Variants in PARD3B observed in about 807,000 individuals in gnomAD.
The protein encoded by PARD3B is par-3 family cell polarity regulator beta.
PARD3B carries 103 observed loss-of-function variants against 130.2 expected under a neutral mutation model. That is an observed-to-expected ratio of 0.79 (90% confidence interval 0.67 to 0.93). PARD3B has a LOEUF of 0.93. PARD3B is among the 40% of genes least tolerant of loss of function. PARD3B has a pLI of 0.00. For synonymous variants in PARD3B, 583 were observed against 553.2 expected (o/e 1.05, Z -0.76); for missense variants, 1,609 against 1,499.2 (o/e 1.07, Z -1.21).
At chr2:205,327,740 A>G (rs1435068053) in intron 18 of PARD3B, among the ~76,000 whole-genome samples, 1 of 152,206 alleles carries the variant, frequency 6.6e-6, no homozygotes, top group Non-Finnish European at 1.5e-5. Flanking sequence ...TCCACCTCAT[A>G]GAATTGTGGT....
chr2:204,701,149 A>G (rs6751997), intron 2 of PARD3B, among the ~76,000 whole-genome samples: 8,385 of 152,118 alleles, frequency 0.055, 664 homozygotes, highest in African/African-American at 0.17. Flanking sequence ...GATTTTCAAT[A>G]TGTATTTGGC....
chr2:205,402,406 T>A (rs2046282714), intron 19 of PARD3B, among the ~76,000 whole-genome samples: 1 of 152,208 alleles, frequency 6.6e-6, no homozygotes, highest in Non-Finnish European at 1.5e-5. Context: ...ACATCATAGA[T>A]CTTTGCTGCT....
At chr2:204,605,348 G>T (rs1218680421) in intron 1 of PARD3B, among the ~76,000 whole-genome samples, 1 of 152,132 alleles carries the variant, frequency 6.6e-6, no homozygotes, top group Non-Finnish European at 1.5e-5. Flanking sequence ...CTGAATTATT[G>T]ATTCATAGTC....
At position 205,080,340 on chromosome 2, in the gene PARD3B, A is replaced by G. The variant is rs1322868050; in HGVS notation, c.505-24086A>G. 3.9e-5 allele frequency among the ~76,000 whole-genome samples: 6 copies of G among 152,184 alleles called. No individual in the cohort carries two copies. The East Asian group carries it at 1.2e-3, about 29-fold the overall frequency. On this transcript the variant is annotated intron_variant, in intron 4 of 22. Coordinates refer to ENST00000406610, the MANE Select transcript of PARD3B (RefSeq NM_001302769.2). ...TCTCCTGCTCTGCTTCCGGTTATGT[A>G]TAATTTTCACTTTAATGGTTATCTT... is the stretch of plus-strand genomic sequence containing the variant.
chr2:204,730,105 G>T (rs2039440592), intron 2 of PARD3B, among the ~76,000 whole-genome samples: 1 of 149,956 alleles, frequency 6.7e-6, no homozygotes, highest in Non-Finnish European at 1.5e-5. Flanking sequence ...ACAGAGTTTT[G>T]CTCTTGTCAC....
chr2:205,129,297 A>C (rs10932097), intron 10 of PARD3B, among the ~76,000 whole-genome samples: 34,508 of 152,232 alleles, frequency 0.23, 4,265 homozygotes, highest in East Asian at 0.4. Flanking sequence ...GCCTGCCTCG[A>C]ATGCCAAGAG....
chr2:204,940,911 T>TA (rs923920686), intron 2 of PARD3B, among the ~76,000 whole-genome samples: 10 of 115,962 alleles, frequency 8.6e-5, no homozygotes, highest in Middle Eastern at 4.0e-3. Flanking sequence ...GAATAAAGAT[T>TA]AAAAAAATAC....
At chr2:204,750,111 G>C (rs1311596703) in intron 2 of PARD3B, among the ~76,000 whole-genome samples, 1 of 152,142 alleles carries the variant, frequency 6.6e-6, no homozygotes, top group Non-Finnish European at 1.5e-5. Context: ...AAAAGTTTCT[G>C]ATGTCAGTGT....
chr2:204,677,849 A>C lies in PARD3B; in HGVS notation c.121-8332A>C, dbSNP rs187011894. On this transcript the variant is annotated intron_variant, in intron 1 of 22. Transcript: ENST00000406610. The surrounding 1 kb of genome is among the most constrained non-coding windows in gnomAD (Gnocchi z 4.1). ...GGCCTTCCCATCTTCTGGGACTTCTACACTCCTTTTGTTTTAGGATTTGTC... is the reference window on the plus strand; with the variant it reads ...GGCCTTCCCATCTTCTGGGACTTCTCCACTCCTTTTGTTTTAGGATTTGTC... 1.4e-4 allele frequency among the ~76,000 whole-genome samples: 21 copies of C among 152,294 alleles called. No individual in the cohort carries two copies. The East Asian group carries it at 4.1e-3, about 29-fold the overall frequency.
chr2:205,054,729 A>G (rs1021727934), intron 4 of PARD3B, among the ~76,000 whole-genome samples: 2 of 151,824 alleles, frequency 1.3e-5, no homozygotes, highest in African/African-American at 4.8e-5. Flanking sequence ...GATGCCCAAG[A>G]TTTCTGCTGT....
chr2:205,456,553 GA>G (rs2048283191), intron 20 of PARD3B, among the ~76,000 whole-genome samples: 2 of 151,950 alleles, frequency 1.3e-5, no homozygotes, highest in Non-Finnish European at 2.9e-5. Flanking sequence ...TCAAGTTGAA[GA>G]AGTTTCTCTT....
Position 205,301,874 on chromosome 2 carries a change from G to A in PARD3B, c.2630+173G>A, listed in dbSNP as rs2042014185. On this transcript the variant is annotated intron_variant, in intron 18 of 22. Coordinates refer to ENST00000406610, the MANE Select transcript of PARD3B (RefSeq NM_001302769.2). The surrounding 1 kb of genome is among the most constrained non-coding windows in gnomAD (Gnocchi z 5.2). ...CTGCAGAGGCAGAGGAGCTTTTTGG[G>A]GAAAGTTACAGTGATGACAGGACAC... is the stretch of plus-strand genomic sequence containing the variant. 9.5e-7 allele frequency: 1 copy of A among 1,048,788 alleles called. No homozygotes were observed. The highest frequency in any genetic ancestry group is 1.5e-6 in the Non-Finnish European group (1 of 672,972). 65.0% of individuals were successfully genotyped at this position (1,048,788 alleles called of 1,614,324 possible).
chr2:204,969,513 C>A (rs1205815772), intron 3 of PARD3B, among the ~76,000 whole-genome samples: 1 of 152,172 alleles, frequency 6.6e-6, no homozygotes, highest in Non-Finnish European at 1.5e-5. Context: ...TAGAAATATG[C>A]AGTTCCACAG....
chr2:205,102,730 A>G (rs769881384), intron 4 of PARD3B, among the ~76,000 whole-genome samples: 10 of 152,144 alleles, frequency 6.6e-5, no homozygotes, highest in Non-Finnish European at 1.2e-4. Context: ...TCATTTCACT[A>G]CAACAAAGTG....
chr2:205,528,707 G>T (rs1427774832), intron 21 of PARD3B, among the ~76,000 whole-genome samples: 1 of 152,088 alleles, frequency 6.6e-6, no homozygotes, highest in Non-Finnish European at 1.5e-5. Context: ...GGCCAGGATG[G>T]TCTCAATCTC....
At chr2:205,372,029 T>G (rs1292929549) in intron 18 of PARD3B, among the ~76,000 whole-genome samples, 1 of 152,238 alleles carries the variant, frequency 6.6e-6, no homozygotes, top group Non-Finnish European at 1.5e-5. Context: ...ATTGTGTGCA[T>G]AAATACCACA....
intron 18 of PARD3B, among the ~76,000 whole-genome samples, chr2:205,324,109 C>G (rs2042855656): frequency 6.6e-6 from 1 of 152,156 alleles, no homozygotes; most frequent in South Asian, 2.1e-4. Context: ...AGGGGCTTTA[C>G]AGTGTCTAAC....
intron 2 of PARD3B, among the ~76,000 whole-genome samples, chr2:204,963,751 C>T (rs1690954376): frequency 6.6e-6 from 1 of 152,066 alleles, no homozygotes; most frequent in Non-Finnish European, 1.5e-5. Context: ...AGTCTTATCT[C>T]CAATAAGTTC....
chr2:205,304,409 G>C (rs1266814859), intron 18 of PARD3B, among the ~76,000 whole-genome samples: 1 of 152,110 alleles, frequency 6.6e-6, no homozygotes. Flanking sequence ...GCCAAGACGG[G>C]CGGATCACCT....
Sources: allele counts gnomAD v4.1 joint callset (sites outside exome capture counted in the v4.1 genomes callset), GRCh38; gene constraint gnomAD v4.1.1; non-coding constraint Gnocchi (gnomAD v3.1); transcripts MANE v1.5; gene names NCBI Gene and HGNC (gene_info 2026-07-23, HGNC 2026-07-21).